Variants in SDC2 observed in about 807,000 individuals in gnomAD.
SDC2 encodes the protein syndecan-2.
A neutral mutation model predicts 22.2 loss-of-function variants in SDC2; 13 were observed. The observed-to-expected ratio is 0.59, with a 90% confidence interval of 0.38 to 0.93. The LOEUF (loss-of-function observed/expected upper bound fraction) is 0.93, where lower values mean the gene tolerates loss of function less well. Among genes scored for constraint, SDC2 ranks in the 40% least tolerant of loss-of-function variants. The pLI, the probability that SDC2 is intolerant of heterozygous loss-of-function variation, is 0.00. For missense variants in SDC2, 235 were observed against 246.8 expected, an observed-to-expected ratio of 0.95 and a Z score of 0.32; for synonymous variants, 94 against 92.8, an observed-to-expected ratio of 1.01 and a Z score of -0.07.
At chr8:96,605,693 A>G (rs2130659680) in intron 3 of SDC2, among the ~76,000 whole-genome samples, 1 of 152,278 alleles carries the variant, frequency 6.6e-6, no homozygotes, top group South Asian at 2.1e-4. Flanking sequence ...GTTTCTTGCA[A>G]TTTGGGAATG....
At chr8:96,571,744 A>C (rs1323104403) in intron 1 of SDC2, among the ~76,000 whole-genome samples, 2 of 152,228 alleles carry the variant, frequency 1.3e-5, no homozygotes, top group East Asian at 3.9e-4. Flanking sequence ...CTCACAAACT[A>C]AAACTGTCAC....
At chr8:96,587,638 A>G (rs759436805) in intron 1 of SDC2, among the ~76,000 whole-genome samples, 51 of 152,198 alleles carry the variant, frequency 3.4e-4, no homozygotes, top group Non-Finnish European at 3.5e-4. Flanking sequence ...TTAGGCAGAG[A>G]AGTAACTGTT....
chr8:96,551,369 TACTAATA>T (rs1228666685), intron 1 of SDC2, among the ~76,000 whole-genome samples: 3 of 152,238 alleles, frequency 2.0e-5, no homozygotes, highest in African/African-American at 7.2e-5. Flanking sequence ...AGTAAATAAT[TACTAATA>T]ACTAACACTG....
At chr8:96,516,762 C>T (rs1186817815) in intron 1 of SDC2, among the ~76,000 whole-genome samples, 1 of 152,188 alleles carries the variant, frequency 6.6e-6, no homozygotes, top group Non-Finnish European at 1.5e-5. Context: ...TACTTCATCT[C>T]TCTTTATTGC....
At chr8:96,563,788 T>G (rs1245555618) in intron 1 of SDC2, among the ~76,000 whole-genome samples, 1 of 152,216 alleles carries the variant, frequency 6.6e-6, no homozygotes, top group African/African-American at 2.4e-5. Flanking sequence ...AAATTGTGTT[T>G]TGAACATAAA....
intron 1 of SDC2, among the ~76,000 whole-genome samples, chr8:96,498,003 T>C (rs1813100899): frequency 3.3e-5 from 5 of 152,194 alleles, no homozygotes; most frequent in Admixed American, 3.3e-4. Context: ...TGAAGAAGAA[T>C]CTTTGCTAAA....
At chr8:96,602,841 C>T (rs1230739795) in intron 3 of SDC2, among the ~76,000 whole-genome samples, 1 of 152,174 alleles carries the variant, frequency 6.6e-6, no homozygotes. Context: ...TAAGGAACGT[C>T]TGAAGCCCAG....
At chr8:96,526,743 A>G (rs1182156718) in intron 1 of SDC2, among the ~76,000 whole-genome samples, 4 of 152,138 alleles carry the variant, frequency 2.6e-5, no homozygotes, top group African/African-American at 9.7e-5. Flanking sequence ...GGGTTAAGTC[A>G]GGGAACTAAA....
intron 1 of SDC2, among the ~76,000 whole-genome samples, chr8:96,530,297 ATTAC>A (rs1409445556): frequency 2.6e-5 from 4 of 152,230 alleles, no homozygotes; most frequent in African/African-American, 9.7e-5. Context: ...CCATAACATA[ATTAC>A]TTATAAAAAT....
intron 1 of SDC2, among the ~76,000 whole-genome samples, chr8:96,527,039 G>A (rs925988805): frequency 6.6e-6 from 1 of 152,116 alleles, no homozygotes; most frequent in African/African-American, 2.4e-5. Flanking sequence ...CATTCTCCAT[G>A]TCTCCTGCTA....
intron 1 of SDC2, chr8:96,580,658 C>T (rs1191971832): frequency 3.0e-6 from 1 of 337,648 alleles, no homozygotes; most frequent in Non-Finnish European, 4.2e-6. Context: ...AAGCAAGAGA[C>T]CATTAATGTG....
intron 1 of SDC2, among the ~76,000 whole-genome samples, chr8:96,508,193 G>C (rs1813271825): frequency 6.6e-6 from 1 of 152,078 alleles, no homozygotes; most frequent in Non-Finnish European, 1.5e-5. Flanking sequence ...CTACTTGGGA[G>C]GTTGAGGCAG....
At chr8:96,546,369 G>T (rs1813932196) in intron 1 of SDC2, among the ~76,000 whole-genome samples, 1 of 152,202 alleles carries the variant, frequency 6.6e-6, no homozygotes, top group Non-Finnish European at 1.5e-5. Flanking sequence ...AGGATAAGAT[G>T]ATTTAGTACT....
At chr8:96,517,216 T>C (rs1241987459) in intron 1 of SDC2, among the ~76,000 whole-genome samples, 1 of 152,212 alleles carries the variant, frequency 6.6e-6, no homozygotes, top group East Asian at 1.9e-4. Flanking sequence ...GATGTGTTTT[T>C]GTGTTCTTAG....
intron 1 of SDC2, among the ~76,000 whole-genome samples, chr8:96,525,861 T>G (rs1813569192): frequency 6.6e-6 from 1 of 152,060 alleles, no homozygotes; most frequent in African/African-American, 2.4e-5. Flanking sequence ...ACTAAGATAA[T>G]GAAAGCCTCC....
chr8:96,590,807 T>C, intron 1 of SDC2, among the ~76,000 whole-genome samples: 3 of 152,240 alleles, frequency 2.0e-5, no homozygotes, highest in Middle Eastern at 6.8e-3. Context: ...TTCAAAATTA[T>C]TTTCACCACC....
chr8:96,524,517 C>G (rs1280471789), intron 1 of SDC2, among the ~76,000 whole-genome samples: 1 of 152,138 alleles, frequency 6.6e-6, no homozygotes, highest in Non-Finnish European at 1.5e-5. Context: ...TTTAGGGTAT[C>G]AACTCCTCTG....
intron 1 of SDC2, among the ~76,000 whole-genome samples, chr8:96,560,832 G>A (rs992613205): frequency 6.6e-5 from 10 of 152,176 alleles, no homozygotes; most frequent in African/African-American, 1.9e-4. Flanking sequence ...TATGCCGGGC[G>A]TGATGGCTCA....
At chr8:96,539,154 T>C (rs16894707) in intron 1 of SDC2, among the ~76,000 whole-genome samples, 14,914 of 152,302 alleles carry the variant, frequency 0.098, 967 homozygotes, top group East Asian at 0.21. Flanking sequence ...GGGCCTGACA[T>C]TATCTTGTAA....
Sources: gnomAD v4.1 joint callset for allele counts (sites outside exome capture counted in the v4.1 genomes callset) on GRCh38, gnomAD v4.1.1 for gene constraint, MANE v1.5 for transcripts, NCBI Gene and HGNC (gene_info 2026-07-23, HGNC 2026-07-21) for gene names.